The following LUZP2 variants were observed in gnomAD, a reference collection of about 807,000 sequenced individuals.
The protein encoded by LUZP2 is leucine zipper protein 2.
Under a neutral mutation model 51.6 loss-of-function variants are expected in LUZP2, and 52 were observed. That is an observed-to-expected ratio of 1.01 (90% CI 0.81 to 1.27). LUZP2 has a LOEUF of 1.27. Ranked by LOEUF, LUZP2 falls within the 50% of genes most tolerant of loss-of-function variation. The pLI is 0.00. For synonymous variants in LUZP2, 154 were observed against 137.3 expected (o/e 1.12, Z -0.85); for missense variants, 436 against 395.4 (o/e 1.10, Z -0.87).
At chr11:24,695,834 C>A (rs1857229801) in intron 1 of LUZP2, among the ~76,000 whole-genome samples, 1 of 151,442 alleles carries the variant, frequency 6.6e-6, no homozygotes, top group Non-Finnish European at 1.5e-5. Flanking sequence ...AGCCAAATTT[C>A]TTTGGGATGA....
At chr11:24,599,759 G>A (rs1203686569) in intron 1 of LUZP2, among the ~76,000 whole-genome samples, 1 of 152,036 alleles carries the variant, frequency 6.6e-6, no homozygotes, top group East Asian at 1.9e-4. Flanking sequence ...GAGATATACT[G>A]AGATATTTGT....
At chr11:24,980,031 G>A (rs1565186030) in intron 8 of LUZP2, among the ~76,000 whole-genome samples, 1 of 151,752 alleles carries the variant, frequency 6.6e-6, no homozygotes, top group Non-Finnish European at 1.5e-5. Flanking sequence ...TGGAGCAGAG[G>A]TCTCAAAATA....
chr11:24,874,689 T>C (rs1281862931), intron 5 of LUZP2, among the ~76,000 whole-genome samples: 1 of 152,142 alleles, frequency 6.6e-6, no homozygotes, highest in South Asian at 2.1e-4. Context: ...TCTTAACTGA[T>C]TCCTTGCAGA....
intron 5 of LUZP2, among the ~76,000 whole-genome samples, chr11:24,848,700 T>A (rs1164506374): frequency 1.3e-5 from 2 of 152,192 alleles, no homozygotes; most frequent in African/African-American, 4.8e-5. Flanking sequence ...TGTTAGAGTT[T>A]GCCATCATTT....
intron 1 of LUZP2, among the ~76,000 whole-genome samples, chr11:24,678,995 G>T (rs1856651864): frequency 6.6e-6 from 1 of 152,214 alleles, no homozygotes; most frequent in South Asian, 2.1e-4. Context: ...GAAATGAGTT[G>T]TGAGAGGTAT....
At chr11:24,999,021 A>C (rs1346986343) in intron 9 of LUZP2, among the ~76,000 whole-genome samples, 2 of 152,122 alleles carry the variant, frequency 1.3e-5, no homozygotes, top group African/African-American at 2.4e-5. Context: ...AATGTCTTTA[A>C]TCTCTTAACT....
At chr11:24,649,241 G>A (rs886785631) in intron 1 of LUZP2, among the ~76,000 whole-genome samples, 1 of 151,978 alleles carries the variant, frequency 6.6e-6, no homozygotes. Flanking sequence ...TCCCATAAAT[G>A]TTGAAGAACC....
At chr11:24,673,661 G>A (rs1856464873) in intron 1 of LUZP2, among the ~76,000 whole-genome samples, 2 of 152,128 alleles carry the variant, frequency 1.3e-5, no homozygotes, top group Non-Finnish European at 2.9e-5. Flanking sequence ...ATTTGTTGGG[G>A]GAGCCTGTCC....
chr11:24,568,592 T>G (rs1374290130), intron 1 of LUZP2, among the ~76,000 whole-genome samples: 3 of 151,876 alleles, frequency 2.0e-5, no homozygotes, highest in Admixed American at 1.3e-4. Flanking sequence ...TATGCTGTAA[T>G]GGGCAAAAGA....
At chr11:25,041,397 TTCAAA>T (rs1175746167) in intron 9 of LUZP2, among the ~76,000 whole-genome samples, 2 of 152,102 alleles carry the variant, frequency 1.3e-5, no homozygotes, top group Admixed American at 1.3e-4. Context: ...TCTTAATATT[TTCAAA>T]CCTTGGTTGA....
chr11:24,652,405 T>C (rs190511099), intron 1 of LUZP2, among the ~76,000 whole-genome samples: 1 of 152,180 alleles, frequency 6.6e-6, no homozygotes, highest in East Asian at 1.9e-4. Context: ...GAGAATTCAG[T>C]AGAGAAGCCT....
At chr11:24,597,498 G>A (rs189951845) in intron 1 of LUZP2, among the ~76,000 whole-genome samples, 2 of 152,262 alleles carry the variant, frequency 1.3e-5, no homozygotes, top group East Asian at 1.9e-4. Flanking sequence ...ATTGTTGAGT[G>A]CAGATAAAGT....
chr11:24,786,058 G>T (rs1016555770), intron 5 of LUZP2: 110 of 985,230 alleles, frequency 1.1e-4, no homozygotes, highest in Non-Finnish European at 1.3e-4. Flanking sequence ...ATCTTTGCTG[G>T]TGGGCACATT....
chr11:25,078,441 G>C, intron 11 of LUZP2, 113 bp from the exon 12 acceptor site: 1 of 730,470 alleles, frequency 1.4e-6, no homozygotes, highest in Non-Finnish European at 2.3e-6. Context: ...TTTTCTCTAA[G>C]ATATTTGTTG....
intron 5 of LUZP2, among the ~76,000 whole-genome samples, chr11:24,847,917 T>C (rs1301391539): frequency 1.3e-5 from 2 of 152,156 alleles, no homozygotes; most frequent in African/African-American, 2.4e-5. Flanking sequence ...TTATGGTAAG[T>C]GGGAACTCAT....
At chr11:24,749,798 T>A (rs1398849305) in intron 4 of LUZP2, among the ~76,000 whole-genome samples, 1 of 152,120 alleles carries the variant, frequency 6.6e-6, no homozygotes, top group Non-Finnish European at 1.5e-5. Context: ...CTTATACCAG[T>A]GGTTTGCCAG....
At chr11:24,552,125 G>A (rs1851741662) in intron 1 of LUZP2, among the ~76,000 whole-genome samples, 1 of 151,986 alleles carries the variant, frequency 6.6e-6, no homozygotes, top group South Asian at 2.1e-4. Flanking sequence ...ATAGGGACAT[G>A]AAGAAAGAAA....
chr11:24,729,121 C>G (rs1384379413), intron 1 of LUZP2, 48 bp from the exon 2 acceptor site: 1 of 953,006 alleles, frequency 1.0e-6, no homozygotes, highest in Non-Finnish European at 1.5e-6. Flanking sequence ...TGACTGATGC[C>G]AAGTGGAACC....
In LUZP2 at chr11:24,654,898, A is replaced by G. The variant is rs897919184; in HGVS notation, c.63-74271A>G. Among the ~76,000 whole-genome samples, 5 of 152,106 alleles carry G rather than the reference A, an allele frequency of 3.3e-5. 1 individual carries two copies. The highest frequency in any genetic ancestry group is 1.2e-4 in the African/African-American group (5 of 41,434). ...TAGTGGAAAGATTTTTTCCAAAAAA[A>G]TAAAGATGTTCCTTGGCATTTACCC... is the stretch of plus-strand genomic sequence containing the variant. On this transcript the variant is annotated intron_variant, in intron 1 of 11. Transcript: ENST00000336930.
Sources: gnomAD v4.1 joint callset for allele counts (sites outside exome capture counted in the v4.1 genomes callset) on GRCh38, gnomAD v4.1.1 for gene constraint, MANE v1.5 for transcripts, NCBI Gene and HGNC (gene_info 2026-07-23, HGNC 2026-07-21) for gene names.